ADAMTS9: variants seen among roughly 807,000 people sequenced by gnomAD.
The protein encoded by ADAMTS9 is ADAM metallopeptidase with thrombospondin type 1 motif 9.
In ADAMTS9, 107 loss-of-function variants were observed where a neutral mutation model predicts 257.1. The ratio of observed to expected loss-of-function variants is 0.42; its 90% CI spans 0.36 to 0.49. The LOEUF is 0.49. ADAMTS9 is among the 20% of genes least tolerant of loss of function. ADAMTS9 has a pLI of 0.03. For missense variants in ADAMTS9, 2,353 were observed against 2,469.1 expected, an observed-to-expected ratio of 0.95 and a Z score of 1.00; for synonymous variants, 982 against 880.9, an observed-to-expected ratio of 1.11 and a Z score of -2.03.
intron 12 of ADAMTS9, among the ~76,000 whole-genome samples, chr3:64,640,206 A>T (rs1354838404): frequency 1.3e-5 from 2 of 152,230 alleles, no homozygotes; most frequent in East Asian, 3.8e-4. Context: ...CTACATGGAC[A>T]TGAAATAAGG....
intron 2 of ADAMTS9, among the ~76,000 whole-genome samples, chr3:64,683,196 G>A (rs1701802149): frequency 6.6e-6 from 1 of 152,180 alleles, no homozygotes; most frequent in African/African-American, 2.4e-5. Flanking sequence ...AGAGACATGA[G>A]TCCTGGGAAA....
At chr3:64,593,173 C>T (rs1176539264) in intron 28 of ADAMTS9, among the ~76,000 whole-genome samples, 1 of 152,108 alleles carries the variant, frequency 6.6e-6, no homozygotes, top group Non-Finnish European at 1.5e-5. Flanking sequence ...CCAAATTCTT[C>T]TAGATTTCTG....
intron 14 of ADAMTS9, 50 bp downstream of exon 14, chr3:64,633,422 C>G: frequency 1.9e-6 from 3 of 1,606,322 alleles, no homozygotes; most frequent in Middle Eastern, 1.7e-4. Context: ...CCACAAATCA[C>G]AGGTTGGCAG....
chr3:64,647,028 C>T (rs1044136466), intron 11 of ADAMTS9, among the ~76,000 whole-genome samples: 3 of 150,744 alleles, frequency 2.0e-5, no homozygotes, highest in African/African-American at 2.4e-5. Flanking sequence ...TAAGGTAAAG[C>T]GGAGGAAAAG....
At chr3:64,630,306 G>T (rs920525099) in intron 16 of ADAMTS9, among the ~76,000 whole-genome samples, 3 of 152,156 alleles carry the variant, frequency 2.0e-5, no homozygotes, top group Non-Finnish European at 2.9e-5. Flanking sequence ...GCTCATGCCT[G>T]GAATCTCAGC....
intron 37 of ADAMTS9, among the ~76,000 whole-genome samples, chr3:64,537,856 G>C (rs946755207): frequency 6.6e-5 from 10 of 152,156 alleles, no homozygotes; most frequent in Non-Finnish European, 8.8e-5. Context: ...GCCTTCCAAG[G>C]GCAGAAGCTT....
rs1340045351 is a variant in ADAMTS9, at chr3:64,658,530, T to G, written c.941A>C (p.Gln314Pro). 8 of 1,613,354 alleles carry G rather than the reference T, an allele frequency of 5.0e-6. No individual in the cohort carries two copies. Among genetic ancestry groups the G allele is most frequent in the African/African-American group, 1.3e-5 (1 of 74,776 alleles). Residue 314 changes from glutamine to proline, a missense_variant, in exon 4 of 40, where the codon CAA becomes CCA. By Grantham distance (76) the Gln-to-Pro change is moderately conservative (BLOSUM62 -1). Transcript: ENST00000498707. ...TGACATTAAAGTTAAAATATAGTGT[T>G]GAAGGTTTTCTCCATGGTATGAAAC... ...RMVSYHGENLQHYILTLMSIV... is the reference protein window; with the variant it reads ...RMVSYHGENLPHYILTLMSIV...
chr3:64,562,666 C>G (rs2083448733), intron 29 of ADAMTS9, among the ~76,000 whole-genome samples: 1 of 152,168 alleles, frequency 6.6e-6, no homozygotes, highest in Non-Finnish European at 1.5e-5. Flanking sequence ...TGTGATAGCT[C>G]AGCCTCCATT....
At chr3:64,677,736 T>A (rs984492314) in intron 3 of ADAMTS9, among the ~76,000 whole-genome samples, 3 of 152,206 alleles carry the variant, frequency 2.0e-5, no homozygotes, top group African/African-American at 7.2e-5. Context: ...GAAAGGTACA[T>A]GTTATCCTCA....
At position 64,532,800 on chromosome 3, in the gene ADAMTS9, AT is replaced by A. The variant is rs1367224894; in HGVS notation, c.5718+365del. On this transcript the variant is annotated intron_variant, in intron 38 of 39. Coordinates refer to ENST00000498707, the MANE Select transcript of ADAMTS9 (RefSeq NM_182920.2). Reference sequence around the variant, plus strand: ...TTTTTCTAAATAAAAAGAAGAGGTCATTTCCCCTCGGTTCATAGAACGAACC... The same window carrying A: ...TTTTTCTAAATAAAAAGAAGAGGTCATTCCCCTCGGTTCATAGAACGAACC... 4.6e-5 allele frequency among the ~76,000 whole-genome samples: 7 copies of A among 152,312 alleles called. No homozygotes were observed. In the South Asian group the frequency reaches 8.3e-4, roughly 18 times the overall value.
chr3:64,655,746 G>A (rs1406690661), intron 5 of ADAMTS9, 46 bp downstream of exon 5: 3 of 1,576,686 alleles, frequency 1.9e-6, no homozygotes, highest in Non-Finnish European at 8.7e-7. Context: ...AATTAGATAT[G>A]CCATTTCGGA....
intron 28 of ADAMTS9, among the ~76,000 whole-genome samples, chr3:64,585,850 T>C (rs2084135131): frequency 6.6e-6 from 1 of 152,144 alleles, no homozygotes; most frequent in Non-Finnish European, 1.5e-5. Flanking sequence ...TTTGAGACAA[T>C]TTTCTTATAT....
At chr3:64,663,027 T>C (rs1386288428) in intron 3 of ADAMTS9, among the ~76,000 whole-genome samples, 2 of 152,100 alleles carry the variant, frequency 1.3e-5, no homozygotes, top group South Asian at 2.1e-4. Context: ...ACTATGTATA[T>C]GCAAGCATCC....
At chr3:64,518,643 C>T (rs1004457380) in intron 39 of ADAMTS9, among the ~76,000 whole-genome samples, 2 of 151,906 alleles carry the variant, frequency 1.3e-5, no homozygotes, top group East Asian at 1.9e-4. Flanking sequence ...TAAAGCTGAT[C>T]GAGCTGATTC....
intron 11 of ADAMTS9, among the ~76,000 whole-genome samples, chr3:64,645,983 G>A (rs1700776128): frequency 1.3e-5 from 2 of 152,228 alleles, no homozygotes; most frequent in Non-Finnish European, 2.9e-5. Context: ...AATTGGTTGG[G>A]TAACCATACT....
At chr3:64,521,990 C>CG (rs2082858070) in intron 39 of ADAMTS9, among the ~76,000 whole-genome samples, 176 bp downstream of exon 39, 1 of 152,186 alleles carries the variant, frequency 6.6e-6, no homozygotes, top group African/African-American at 2.4e-5. Flanking sequence ...TGGCAGAGAA[C>CG]TGATGGCTTC....
At chr3:64,595,595 A>G (rs913953205) in intron 27 of ADAMTS9, among the ~76,000 whole-genome samples, 3 of 152,246 alleles carry the variant, frequency 2.0e-5, no homozygotes, top group African/African-American at 7.2e-5. Context: ...TCCACAATAC[A>G]TGAGTCACAA....
intron 37 of ADAMTS9, 137 bp downstream of exon 37, chr3:64,539,066 G>A (rs533582802): frequency 1.3e-6 from 1 of 768,890 alleles, no homozygotes; most frequent in Non-Finnish European, 2.2e-6. Flanking sequence ...CATTTGAGAG[G>A]GTCTTGATAC....
intron 2 of ADAMTS9, chr3:64,685,044 G>T (rs1467456093): frequency 6.6e-6 from 1 of 152,232 alleles, no homozygotes; most frequent in Non-Finnish European, 1.5e-5. Flanking sequence ...TCCTGGGGCA[G>T]CGATGACTCA....
Sources: gnomAD v4.1 joint callset for allele counts (sites outside exome capture counted in the v4.1 genomes callset) on GRCh38, gnomAD v4.1.1 for gene constraint, MANE v1.5 for transcripts, NCBI Gene and HGNC (gene_info 2026-07-23, HGNC 2026-07-21) for gene names.